The following SLC3A1 variants were observed in gnomAD, a reference collection of about 807,000 sequenced individuals.
SLC3A1 encodes solute carrier family 3 member 1, also known as amino acid transporter heavy chain SLC3A1.
A neutral mutation model predicts 60.3 loss-of-function variants in SLC3A1; 78 were observed. That is an observed-to-expected ratio of 1.29 (90% CI 1.08 to 1.56). SLC3A1 has a LOEUF of 1.56. Ranked by LOEUF, SLC3A1 falls within the 40% of genes most tolerant of loss-of-function variation. SLC3A1 has a pLI of 0.00. For missense variants in SLC3A1, 1,172 were observed against 858.9 expected (o/e 1.36, Z -4.56); for synonymous variants, 392 against 307.9 (o/e 1.27, Z -2.86).
chr2:44,311,971 G>C (rs537945542), intron 7 of SLC3A1, among the ~76,000 whole-genome samples: 1 of 152,196 alleles, frequency 6.6e-6, no homozygotes, highest in East Asian at 1.9e-4. Flanking sequence ...TGCACATGAG[G>C]GTTTGAGTTG....
chr2:44,317,141 C>T (rs922167723), intron 9 of SLC3A1, among the ~76,000 whole-genome samples: 3 of 152,156 alleles, frequency 2.0e-5, no homozygotes. Context: ...CCATTAACCA[C>T]TGTGACTATT....
chr2:44,295,961 G>A (rs368983129), intron 4 of SLC3A1, among the ~76,000 whole-genome samples: 1 of 152,178 alleles, frequency 6.6e-6, no homozygotes, highest in African/African-American at 2.4e-5. Context: ...TCTTAAAATA[G>A]AGCACAAAAT....
intron 9 of SLC3A1, chr2:44,318,476 G>T (rs1672624806): frequency 6.0e-6 from 1 of 167,252 alleles, no homozygotes; most frequent in African/African-American, 2.4e-5. Context: ...TATGGGCCCA[G>T]TATGCAGCTT....
At position 44,280,792 on chromosome 2, in the gene SLC3A1, C is replaced by T; in HGVS notation, c.507C>T (p.Ser169=). The change falls in exon 2 of 10, where the codon TCC becomes TCT. Residue 169 remains serine, a synonymous_variant. Transcript: ENST00000260649. The part of the protein sequence containing the change: ...TVWITSFYKS[S]LKDFRYGVED... ...GGATTACTTCATTTTATAAATCGTC[C>T]CTTAAAGATTTCAGATATGGTGTTG... The T allele has an allele frequency of 6.2e-7, 1 of 1,612,164 alleles. No individual in the cohort carries two copies. The highest frequency in any genetic ancestry group is 1.3e-5 in the African/African-American group (1 of 74,948).
chr2:44,300,301 C>G (rs1671970631), intron 5 of SLC3A1, among the ~76,000 whole-genome samples: 1 of 152,102 alleles, frequency 6.6e-6, no homozygotes, highest in African/African-American at 2.4e-5. Flanking sequence ...AGCGAGGGAT[C>G]CCTTGAGGAG....
At position 44,286,130 on chromosome 2, in the gene SLC3A1, C is replaced by G. The variant is rs751241989; in HGVS notation, c.864C>G (p.Arg288=). ...FMKEQPDLNF[R]NPDVQEEIKE... is the part of the protein sequence containing the mutation. Reference sequence around the variant, plus strand: ...AAGAGCAACCTGATTTAAATTTCCGCAATCCTGATGTTCAAGAAGAAATAA... The same window carrying G: ...AAGAGCAACCTGATTTAAATTTCCGGAATCCTGATGTTCAAGAAGAAATAA... The change falls in exon 4 of 10, where the codon CGC becomes CGG. Residue 288 remains arginine, a synonymous_variant. Coordinates refer to ENST00000260649, the MANE Select transcript of SLC3A1 (RefSeq NM_000341.4). The G allele has an allele frequency of 6.2e-7, 1 of 1,613,966 alleles. No individual in the cohort carries two copies. Among genetic ancestry groups the G allele is most frequent in the Non-Finnish European group, 8.5e-7 (1 of 1,179,886 alleles).
intron 8 of SLC3A1, among the ~76,000 whole-genome samples, chr2:44,313,078 C>G (rs1558469294): frequency 6.6e-6 from 1 of 151,868 alleles, no homozygotes; most frequent in African/African-American, 2.4e-5. Context: ...AATTGGAGAA[C>G]CGGTGGTTTA....
intron 7 of SLC3A1, among the ~76,000 whole-genome samples, chr2:44,312,173 GAAT>G (rs1455636229): frequency 3.3e-5 from 5 of 152,132 alleles, no homozygotes; most frequent in African/African-American, 1.2e-4. Flanking sequence ...AATTTTGTCT[GAAT>G]AATTCATAAG....
chr2:44,280,831 A>C lies in SLC3A1; in HGVS notation c.546A>C (p.Glu182Asp). 6.2e-7 allele frequency: 1 copy of C among 1,614,082 alleles called. No individual in the cohort carries two copies. Among genetic ancestry groups the C allele is most frequent in the Non-Finnish European group, 8.5e-7 (1 of 1,179,942 alleles). ...DFRYGVEDFR[E>D]VDPIFGTMED... ...GATATGGTGTTGAAGATTTCCGGGA[A>C]GTTGATCCCATTTTTGGAACGATGG... Residue 182 changes from glutamate to aspartate, a missense_variant, in exon 2 of 10, where the codon GAA (glutamate) becomes GAC (aspartate). Coordinates refer to ENST00000260649, the MANE Select transcript of SLC3A1 (RefSeq NM_000341.4).
intron 1 of SLC3A1, among the ~76,000 whole-genome samples, chr2:44,277,109 T>TC (rs1348947420): frequency 4.1e-5 from 6 of 147,658 alleles, no homozygotes; most frequent in East Asian, 3.9e-4. Context: ...TCTTCTTTTT[T>TC]TTTTTTTTTT....
intron 7 of SLC3A1, among the ~76,000 whole-genome samples, chr2:44,307,360 G>A (rs1475801173): frequency 6.6e-6 from 1 of 152,126 alleles, no homozygotes; most frequent in East Asian, 1.9e-4. Context: ...TCCAGGAGTG[G>A]AATTGCTCCA....
Position 44,300,031 on chromosome 2 carries a change from T to C in SLC3A1, c.952T>C (p.Phe318Leu). The stretch of plus-strand genomic sequence containing the variant: ...TGGTTTTAGTTTGGATGCTGTTAAA[T>C]TCCTCCTAGAAGCAAAGCACCTGAG... ...VDGFSLDAVK[F>L]LLEAKHLRDE... The change falls in exon 5 of 10, where the codon TTC (phenylalanine) becomes CTC (leucine). Residue 318 changes from phenylalanine (F) to leucine (L), a missense_variant. Coordinates refer to ENST00000260649, the MANE Select transcript of SLC3A1 (RefSeq NM_000341.4). The C allele has an allele frequency of 6.2e-7, 1 of 1,613,856 alleles. No individual in the cohort carries two copies. Among genetic ancestry groups the C allele is most frequent in the Non-Finnish European group, 8.5e-7 (1 of 1,179,722 alleles).
intron 4 of SLC3A1, among the ~76,000 whole-genome samples, chr2:44,289,979 C>T (rs948823513): frequency 6.6e-6 from 1 of 152,098 alleles, no homozygotes; most frequent in East Asian, 1.9e-4. Context: ...AGTGTCGTAT[C>T]TAAGAACCAT....
chr2:44,292,405 C>T (rs13387773), intron 4 of SLC3A1, among the ~76,000 whole-genome samples: 28 of 152,126 alleles, frequency 1.8e-4, no homozygotes, highest in Non-Finnish European at 4.1e-4. Context: ...CTATGCCAGG[C>T]ACTTTATTAT....
At chr2:44,288,510 C>T (rs1671666978) in intron 4 of SLC3A1, among the ~76,000 whole-genome samples, 1 of 152,056 alleles carries the variant, frequency 6.6e-6, no homozygotes, top group African/African-American at 2.4e-5. Context: ...ACAACAGAAT[C>T]ATGCTGTATC....
In SLC3A1 at chr2:44,320,764, T is replaced by A. The variant is rs974590296; in HGVS notation, c.*125T>A. On this transcript the variant is annotated 3_prime_UTR_variant, in exon 10 of 10. Transcript: ENST00000260649. ...TTCTTCGATATTTCTGTAGCTTGAA[T>A]GTAACTGCTTTAAGAAAGGTTCTCA... The A allele has an allele frequency of 8.6e-6, 7 of 816,798 alleles. No individual in the cohort carries two copies. Among genetic ancestry groups the A allele is most frequent in the Non-Finnish European group, 2.1e-6 (1 of 487,506 alleles). The allele number at this position is 816,798 out of a possible 1,614,324, so 50.6% of individuals were successfully genotyped here. A position where few individuals can be genotyped will look rare whatever the true frequency, so the allele number is the denominator to read the frequency against.
At chr2:44,309,219 T>G (rs1230761875) in intron 7 of SLC3A1, among the ~76,000 whole-genome samples, 1 of 152,150 alleles carries the variant, frequency 6.6e-6, no homozygotes, top group Non-Finnish European at 1.5e-5. Context: ...ATTCCTCACT[T>G]CCACCACTAA....
intron 7 of SLC3A1, among the ~76,000 whole-genome samples, chr2:44,309,536 A>G (rs1442021125): frequency 6.6e-6 from 1 of 152,080 alleles, no homozygotes. Context: ...TATCTGTTTA[A>G]GCCCCAGATT....
rs1311182221 is a variant in SLC3A1 at position 44,276,038 on chromosome 2, C to T, written c.430+73C>T. The stretch of plus-strand genomic sequence containing the variant: ...TTATGGTTCTTTTGTTCTTCAGAAC[C>T]AAATTATGCCTGGGTTGTTCAGTAA... On this transcript the variant is annotated intron_variant, in intron 1 of 9. Transcript: ENST00000260649. The T allele has an allele frequency of 2.2e-6, 3 of 1,345,696 alleles. No individual in the cohort carries two copies. The African/African-American group carries it at 4.3e-5, about 19-fold the overall frequency. The allele number at this position is 1,345,696 out of a possible 1,614,324, so 83.4% of individuals were successfully genotyped here.
Sources: allele counts gnomAD v4.1 joint callset (sites outside exome capture counted in the v4.1 genomes callset), GRCh38; gene constraint gnomAD v4.1.1; transcripts MANE v1.5; gene names NCBI Gene and HGNC (gene_info 2026-07-23, HGNC 2026-07-21).